The following CDYL2 variants were observed in gnomAD, a reference collection of about 807,000 sequenced individuals.
CDYL2 encodes chromodomain Y like 2, also known as chromodomain Y-like protein 2.
CDYL2 carries 23 observed loss-of-function variants against 49.4 expected under a neutral mutation model. The ratio of observed to expected loss-of-function variants is 0.47; its 90% confidence interval spans 0.34 to 0.66. The LOEUF is 0.66. Ranked by LOEUF, CDYL2 falls within the 30% of genes least tolerant of loss-of-function variation. The pLI is 0.01. For missense variants in CDYL2, 678 were observed against 656.4 expected (o/e 1.03, Z -0.36); for synonymous variants, 360 against 268.8 (o/e 1.34, Z -3.32).
intron 1 of CDYL2, among the ~76,000 whole-genome samples, chr16:80,707,504 C>T (rs544930130): frequency 2.3e-4 from 35 of 152,218 alleles, no homozygotes; most frequent in South Asian, 1.0e-3. Context: ...AAACCTTGAA[C>T]AAGACCATCC....
chr16:80,717,109 G>C (rs1194991338), intron 1 of CDYL2, among the ~76,000 whole-genome samples: 1 of 150,808 alleles, frequency 6.6e-6, no homozygotes, highest in Non-Finnish European at 1.5e-5. Flanking sequence ...TTGACAAATG[G>C]ATGGAGGGAT....
rs1472045675 is a variant in CDYL2 at position 80,602,622 on chromosome 16, G to C, written c.*1766C>G. 2 of 152,172 alleles carry C rather than the reference G, an allele frequency of 1.3e-5. No individual in the cohort carries two copies. The highest frequency in any genetic ancestry group is 2.1e-4 in the South Asian group (1 of 4,810). The allele number at this position is 152,172 out of a possible 1,614,324, so 9.4% of individuals were successfully genotyped here. On this transcript the variant is annotated 3_prime_UTR_variant, in exon 7 of 7. Coordinates refer to ENST00000570137, the MANE Select transcript of CDYL2 (RefSeq NM_152342.4). The stretch of plus-strand genomic sequence containing the variant: ...ACAGAGAGTTAGAGAACTGTCACCA[G>C]AACTCTCTCTTCTAAGCCTGCCTCA...
chr16:80,652,608 G>A (rs1454839500), intron 2 of CDYL2, among the ~76,000 whole-genome samples: 1 of 152,120 alleles, frequency 6.6e-6, no homozygotes, highest in African/African-American at 2.4e-5. Flanking sequence ...GTGTGTAGAG[G>A]GGGAGGCGAA....
chr16:80,786,657 C>T (rs1214170777), intron 1 of CDYL2, among the ~76,000 whole-genome samples: 1 of 151,688 alleles, frequency 6.6e-6, no homozygotes, highest in African/African-American at 2.4e-5. Flanking sequence ...ATAGCAAAGA[C>T]TTGGAACCAA....
chr16:80,625,003 G>A (rs1907241128), intron 3 of CDYL2, among the ~76,000 whole-genome samples: 1 of 152,140 alleles, frequency 6.6e-6, no homozygotes, highest in South Asian at 2.1e-4. Flanking sequence ...ACAGAGAAGA[G>A]GAGAAAGTCA....
chr16:80,700,680 T>C (rs190909840), intron 1 of CDYL2, among the ~76,000 whole-genome samples: 162 of 152,376 alleles, frequency 1.1e-3, no homozygotes, highest in Non-Finnish European at 1.9e-3. Flanking sequence ...CGAATAGCTA[T>C]ATATGTTCTT....
intron 1 of CDYL2, among the ~76,000 whole-genome samples, chr16:80,746,489 C>G (rs1337758870): frequency 6.6e-6 from 1 of 152,198 alleles, no homozygotes; most frequent in South Asian, 2.1e-4. Context: ...TCCTTGCATC[C>G]TCTCAAGTAT....
chr16:80,696,940 T>A (rs1904278967), intron 1 of CDYL2, among the ~76,000 whole-genome samples: 1 of 152,104 alleles, frequency 6.6e-6, no homozygotes, highest in East Asian at 1.9e-4. Flanking sequence ...AAGGTTGCAG[T>A]GCCCTATGAT....
intron 1 of CDYL2, among the ~76,000 whole-genome samples, chr16:80,800,865 A>G (rs1454930658): frequency 6.6e-6 from 1 of 152,214 alleles, no homozygotes; most frequent in South Asian, 2.1e-4. Context: ...CCTGACACCC[A>G]AACATCTTAG....
intron 1 of CDYL2, chr16:80,742,091 T>C (rs945853914): frequency 6.6e-6 from 1 of 152,198 alleles, no homozygotes; most frequent in African/African-American, 2.4e-5. Flanking sequence ...AATCTCTACT[T>C]TTACAGATGA....
chr16:80,759,120 A>ATATATATATATATATATATATATTT (rs1567597491), intron 1 of CDYL2, among the ~76,000 whole-genome samples: 1 of 122,700 alleles, frequency 8.1e-6, no homozygotes, highest in African/African-American at 3.5e-5. Flanking sequence ...ATATATATAT[A>ATATATATATATATATATATATATTT]TATATATATA....
intron 4 of CDYL2, among the ~76,000 whole-genome samples, chr16:80,615,983 TG>T (rs1486172683): frequency 1.3e-5 from 2 of 152,166 alleles, no homozygotes; most frequent in Admixed American, 6.5e-5. Context: ...CGGGGCTGCG[TG>T]GGGAAAACTG....
Position 80,712,089 on chromosome 16 carries a change from G to A in CDYL2, c.25-26960C>T, listed in dbSNP as rs559651966. Among the ~76,000 whole-genome samples the A allele has an allele frequency of 6.1e-5, 9 of 147,358 alleles. 1 individual carries two copies. The highest frequency in any genetic ancestry group is 2.3e-4 in the African/African-American group (9 of 39,380). ...TAGATGTGTGTATATAGATGTGTGT[G>A]TATATATATGTGTATATATGTGTAT... On this transcript the variant is annotated intron_variant, in intron 1 of 6. Transcript: ENST00000570137.
intron 1 of CDYL2, among the ~76,000 whole-genome samples, chr16:80,704,832 G>C (rs1904348509): frequency 6.6e-6 from 1 of 152,324 alleles, no homozygotes; most frequent in Middle Eastern, 3.4e-3. Context: ...TGAGAGATGA[G>C]AGTAAGAAAA....
intron 1 of CDYL2, among the ~76,000 whole-genome samples, chr16:80,748,250 G>A (rs1353112362): frequency 6.7e-6 from 1 of 149,770 alleles, no homozygotes; most frequent in Admixed American, 6.6e-5. Flanking sequence ...GGGTGGACCG[G>A]GCGCGCTGGC....
At chr16:80,713,431 C>G (rs1904687566) in intron 1 of CDYL2, among the ~76,000 whole-genome samples, 1 of 152,118 alleles carries the variant, frequency 6.6e-6, no homozygotes, top group Non-Finnish European at 1.5e-5. Flanking sequence ...GATGCACTGT[C>G]ACCACAGCCA....
intron 1 of CDYL2, among the ~76,000 whole-genome samples, chr16:80,758,777 C>T (rs913082436): frequency 2.6e-5 from 4 of 151,752 alleles, no homozygotes; most frequent in Admixed American, 2.6e-4. Context: ...CTCCTGACCT[C>T]CTGATCCGCC....
intron 1 of CDYL2, among the ~76,000 whole-genome samples, chr16:80,802,814 G>A (rs573623336): frequency 2.0e-5 from 3 of 152,302 alleles, no homozygotes; most frequent in South Asian, 2.1e-4. Context: ...TGCCCACGAG[G>A]GCCTAGAGGA....
chr16:80,675,578 C>T (rs961001745), intron 2 of CDYL2, among the ~76,000 whole-genome samples: 21 of 152,114 alleles, frequency 1.4e-4, no homozygotes, highest in Admixed American at 3.9e-4. Context: ...GAGGAAGGCC[C>T]TGGGATCCAC....
Sources: gnomAD v4.1 joint callset for allele counts (sites outside exome capture counted in the v4.1 genomes callset) on GRCh38, gnomAD v4.1.1 for gene constraint, MANE v1.5 for transcripts, NCBI Gene and HGNC (gene_info 2026-07-23, HGNC 2026-07-21) for gene names.